NECTIN1: variants seen among roughly 807,000 people sequenced by gnomAD.
NECTIN1 encodes nectin-1.
A neutral mutation model predicts 48.0 loss-of-function variants in NECTIN1; 23 were observed. That is an observed-to-expected ratio of 0.48 (90% CI 0.34 to 0.68). The LOEUF is 0.68. Ranked by LOEUF, NECTIN1 falls within the 30% of genes least tolerant of loss-of-function variation. The probability of loss-of-function intolerance (pLI) is 0.01; values close to 1 mark genes in which losing one functional copy is unlikely to be tolerated. For synonymous variants in NECTIN1, 270 were observed against 288.9 expected (o/e 0.93, Z 0.66); for missense variants, 591 against 709.9 (o/e 0.83, Z 1.90).
chr11:119,679,628 C>T (rs139388032), intron 1 of NECTIN1, among the ~76,000 whole-genome samples: 2 of 152,176 alleles, frequency 1.3e-5, no homozygotes, highest in Non-Finnish European at 2.9e-5. Context: ...TCAGAACATG[C>T]CACATTCCCG....
intron 6 of NECTIN1, chr11:119,639,629 G>T (rs371889663): frequency 8.5e-6 from 5 of 589,140 alleles, no homozygotes; most frequent in East Asian, 5.7e-5. Context: ...CTGCTGTGAG[G>T]ATAAAATGCA....
chr11:119,699,500 C>T (rs1030980274), intron 1 of NECTIN1, among the ~76,000 whole-genome samples: 2 of 52,934 alleles, frequency 3.8e-5, no homozygotes, highest in East Asian at 5.8e-4. Flanking sequence ...CTGTCCCCAG[C>T]GGCCCGCCCC....
rs754922587 is a variant in NECTIN1 at position 119,678,517 on chromosome 11, G to C, written c.328C>G (p.Arg110Gly). 1 of 1,614,248 alleles carries C rather than the reference G, an allele frequency of 6.2e-7. No homozygotes were observed. Among genetic ancestry groups the C allele is most frequent in the East Asian group, 2.2e-5 (1 of 44,884 alleles). ...TCCTCCAGCTCCAGGCGGGAGAGGC[G>C]GATAGTGCCATCGGTGAAGGAGGGC... ...LRPSFTDGTI[R>G]LSRLELEDEG... Residue 110 changes from arginine (R) to glycine (G), a missense_variant, in exon 2 of 6, where the codon CGC becomes GGC. Coordinates refer to ENST00000264025, the MANE Select transcript of NECTIN1 (RefSeq NM_002855.5). This position sits in a 1 kb window ranked among gnomAD's most constrained non-coding sequence, Gnocchi z 4.4.
intron 1 of NECTIN1, among the ~76,000 whole-genome samples, chr11:119,707,500 C>T (rs78369194): frequency 0.015 from 2,213 of 152,202 alleles, 98 homozygotes; most frequent in East Asian, 0.14. Flanking sequence ...CTCCACAAGG[C>T]TGTCGAACAG....
At position 119,673,209 on chromosome 11, in the gene NECTIN1, G is replaced by A. The variant is rs1238101114; in HGVS notation, c.1003+1950C>T. The stretch of plus-strand genomic sequence containing the variant: ...GCTGCTGCTTGGAAATTGCCTGAGA[G>A]CACAAGAACAAACAGCCCTGAGAAG... On this transcript the variant is annotated intron_variant, in intron 5 of 5. Coordinates refer to ENST00000264025, the MANE Select transcript of NECTIN1 (RefSeq NM_002855.5). The surrounding 1 kb of genome is among the most constrained non-coding windows in gnomAD (Gnocchi z 5.8). 2.0e-5 allele frequency among the ~76,000 whole-genome samples: 3 copies of A among 152,160 alleles called. No homozygotes were observed. The highest frequency in any genetic ancestry group is 1.9e-4 in the East Asian group (1 of 5,176).
In NECTIN1 at chr11:119,696,478, A is replaced by T. The variant is rs576484746; in HGVS notation, c.80-17713T>A. Among the ~76,000 whole-genome samples the T allele has an allele frequency of 1.5e-4, 23 of 152,112 alleles. No individual in the cohort carries two copies. The South Asian group carries it at 3.5e-3, about 23-fold the overall frequency. On this transcript the variant is annotated intron_variant, in intron 1 of 5. Transcript: ENST00000264025. ...GGAGGGAAGCTGAAGAAGCAGGTCA[A>T]AGCAAATCCTCCCCAGCTGCCCCAC...
At position 119,662,013 on chromosome 11, in the gene NECTIN1, C is replaced by T. The variant is rs2135540127; in HGVS notation, c.*2734G>A. 1 of 985,034 alleles carries T rather than the reference C, an allele frequency of 1.0e-6. No homozygotes were observed. The highest frequency in any genetic ancestry group is 6.1e-5 in the Admixed American group (1 of 16,268). The allele number at this position is 985,034 out of a possible 1,614,324, so 61.0% of individuals were successfully genotyped here. A position where few individuals can be genotyped will look rare whatever the true frequency, so the allele number is the denominator to read the frequency against. ...AGGGGACTCGGCTGGTTCTATTACA[C>T]ATTAGAACAATATCAAAATCTGTAA... is the stretch of plus-strand genomic sequence containing the variant. On this transcript the variant is annotated 3_prime_UTR_variant, in exon 6 of 6. Transcript: ENST00000264025. This position sits in a 1 kb window ranked among gnomAD's most constrained non-coding sequence, Gnocchi z 5.3.
Position 119,666,506 on chromosome 11 carries a change from C to T in NECTIN1, c.1004-1209G>A, listed in dbSNP as rs114309627. Among the ~76,000 whole-genome samples the T allele has an allele frequency of 9.5e-3, 1,446 of 152,340 alleles. 21 individuals are homozygous for T. The highest frequency in any genetic ancestry group is 0.056 in the East Asian group (292 of 5,182). ...GAAGGTGGCTGAAACCAGGGCCATG[C>T]CACGGGCCAAAGAGGCCCTAAGGTG... On this transcript the variant is annotated intron_variant, in intron 5 of 5. Coordinates refer to ENST00000264025, the MANE Select transcript of NECTIN1 (RefSeq NM_002855.5).
chr11:119,662,906 C>T lies in NECTIN1; in HGVS notation c.*1841G>A. 1 of 986,090 alleles carries T rather than the reference C, an allele frequency of 1.0e-6. No individual in the cohort carries two copies. The highest frequency in any genetic ancestry group is 1.2e-6 in the Non-Finnish European group (1 of 830,186). The allele number at this position is 986,090 out of a possible 1,614,324, so 61.1% of individuals were successfully genotyped here. The stretch of plus-strand genomic sequence containing the variant: ...AGACTTCTGCTACGTGGCTACTGGG[C>T]AGCCTGGGCTGGGGCCAGGGCAGTG... On this transcript the variant is annotated 3_prime_UTR_variant, in exon 6 of 6. Coordinates refer to ENST00000264025, the MANE Select transcript of NECTIN1 (RefSeq NM_002855.5). This position sits in a 1 kb window ranked among gnomAD's most constrained non-coding sequence, Gnocchi z 5.3.
intron 5 of NECTIN1, chr11:119,654,119 A>G (rs921101383): frequency 1.3e-5 from 2 of 152,230 alleles, no homozygotes; most frequent in African/African-American, 4.8e-5. Context: ...CCAAGATAAA[A>G]CATTGCAGGG....
rs1009702353 is a variant in NECTIN1 at position 119,683,822 on chromosome 11, C to T, written c.80-5057G>A. Among the ~76,000 whole-genome samples, 1 of 151,982 alleles carries T rather than the reference C, an allele frequency of 6.6e-6. No homozygotes were observed. Among genetic ancestry groups the T allele is most frequent in the South Asian group, 2.1e-4 (1 of 4,826 alleles). On this transcript the variant is annotated intron_variant, in intron 1 of 5. Coordinates refer to ENST00000264025, the MANE Select transcript of NECTIN1 (RefSeq NM_002855.5). The surrounding 1 kb of genome is among the most constrained non-coding windows in gnomAD (Gnocchi z 4.0). ...TGAGCTCCAGGATCTGGGACCCATGCCCCTGGGGCTTGTTCTCAAGTGCCT... is the reference window on the plus strand; with the variant it reads ...TGAGCTCCAGGATCTGGGACCCATGTCCCTGGGGCTTGTTCTCAAGTGCCT...
At chr11:119,723,216 C>CAAAAA (rs34528775) in intron 1 of NECTIN1, among the ~76,000 whole-genome samples, 2 of 59,232 alleles carry the variant, frequency 3.4e-5, no homozygotes, top group Admixed American at 2.0e-4. Flanking sequence ...GACTCTGTCT[C>CAAAAA]AAAAAAAAAA....
At chr11:119,639,834 A>G in intron 6 of NECTIN1, 1 of 1,613,396 alleles carries the variant, frequency 6.2e-7, no homozygotes, top group Non-Finnish European at 8.5e-7. Flanking sequence ...GACCAGTGGG[A>G]GTTTAGTGGG....
chr11:119,680,952 C>T (rs1293856622), intron 1 of NECTIN1, among the ~76,000 whole-genome samples: 6 of 152,208 alleles, frequency 3.9e-5, no homozygotes, highest in South Asian at 2.1e-4. Flanking sequence ...GCAGTGGGAC[C>T]GTGGCCAGTC....
At chr11:119,703,743 C>G (rs1410795712) in intron 1 of NECTIN1, among the ~76,000 whole-genome samples, 2 of 152,242 alleles carry the variant, frequency 1.3e-5, no homozygotes, top group Non-Finnish European at 2.9e-5. Flanking sequence ...TTCCATCAAC[C>G]TGGATTATTG....
At position 119,686,943 on chromosome 11, in the gene NECTIN1, T is replaced by C. The variant is rs369668644; in HGVS notation, c.80-8178A>G. On this transcript the variant is annotated intron_variant, in intron 1 of 5. Transcript: ENST00000264025. ...AAACACAGGGGGCCCAAGTGGCAGG[T>C]GGAAAAGGCTGTGAGCAGCTGGGGG... Among the ~76,000 whole-genome samples, 564 of 152,022 alleles carry C rather than the reference T, an allele frequency of 3.7e-3. 5 individuals carry two copies. In the East Asian group the frequency reaches 0.048, roughly 13 times the overall value.
chr11:119,656,499 C>T (rs1407421202), downstream of NECTIN1: 1 of 152,218 alleles, frequency 6.6e-6, no homozygotes, highest in Non-Finnish European at 1.5e-5. Flanking sequence ...CTTGCTGTCC[C>T]TTTTTGCCCT....
chr11:119,701,309 G>A (rs1332056153), intron 1 of NECTIN1, among the ~76,000 whole-genome samples: 1 of 152,192 alleles, frequency 6.6e-6, no homozygotes, highest in East Asian at 1.9e-4. Flanking sequence ...TCAAAATAAT[G>A]AGAGCTGACT....
At chr11:119,638,742 C>T in exon 7 of NECTIN1, 2 of 1,613,902 alleles carry the variant, frequency 1.2e-6, no homozygotes, top group Non-Finnish European at 1.7e-6. Context: ...TGGATATCCT[C>T]AGGCACAAGG....
Sources: allele counts gnomAD v4.1 joint callset (sites outside exome capture counted in the v4.1 genomes callset), GRCh38; gene constraint gnomAD v4.1.1; non-coding constraint Gnocchi (gnomAD v3.1); transcripts MANE v1.5; gene names NCBI Gene and HGNC (gene_info 2026-07-23, HGNC 2026-07-21).